TENM2: variants seen among roughly 807,000 people sequenced by gnomAD.
TENM2 encodes the protein teneurin transmembrane protein 2.
TENM2 carries 52 observed loss-of-function variants against 245.2 expected under a neutral mutation model. That is an observed-to-expected ratio of 0.21 (90% CI 0.17 to 0.27). TENM2 has a LOEUF of 0.27. Ranked by LOEUF, TENM2 falls within the 10% of genes least tolerant of loss-of-function variation. The pLI is 1.00. For missense variants in TENM2, 3,046 were observed against 3,666.8 expected, an observed-to-expected ratio of 0.83 and a Z score of 4.37; for synonymous variants, 1,363 against 1,438.9, an observed-to-expected ratio of 0.95 and a Z score of 1.19.
intron 1 of TENM2, among the ~76,000 whole-genome samples, chr5:167,350,678 GAT>G (rs368336473): frequency 0.13 from 4,370 of 33,188 alleles, 125 homozygotes; most frequent in African/African-American, 0.16. Flanking sequence ...TACATATATG[GAT>G]ATATATATAT....
At chr5:167,745,094 A>C (rs888639585) in intron 2 of TENM2, among the ~76,000 whole-genome samples, 2 of 152,210 alleles carry the variant, frequency 1.3e-5, no homozygotes, top group Non-Finnish European at 2.9e-5. Context: ...ACGTCATATG[A>C]ATTCTTCTCA....
At chr5:168,239,752 T>A (rs10079495) in intron 25 of TENM2, among the ~76,000 whole-genome samples, 61,098 of 151,956 alleles carry the variant, frequency 0.4, 12,969 homozygotes, top group East Asian at 0.56. Flanking sequence ...TTACATATTA[T>A]AGTATATTAT....
At chr5:167,028,069 CAA>C in the TENM2 span, among the ~76,000 whole-genome samples, 675 of 92,688 alleles carry the variant, frequency 7.3e-3, 4 homozygotes, top group African/African-American at 0.017. Flanking sequence ...GATTCCATCT[CAA>C]AAAAAAAAAA....
At chr5:167,008,620 G>A in the TENM2 span, among the ~76,000 whole-genome samples, 19 of 152,104 alleles carry the variant, frequency 1.2e-4, no homozygotes, top group Admixed American at 6.5e-5. Context: ...TCATTTGGCC[G>A]TTTTTCTATC....
At chr5:168,178,327 A>G (rs1023176538) in intron 13 of TENM2, among the ~76,000 whole-genome samples, 1 of 152,202 alleles carries the variant, frequency 6.6e-6, no homozygotes, top group Non-Finnish European at 1.5e-5. Context: ...GATGAGGAAC[A>G]GAGCAGGGTA....
chr5:167,242,234 G>C, the TENM2 span, among the ~76,000 whole-genome samples: 1 of 152,000 alleles, frequency 6.6e-6, no homozygotes, highest in African/African-American at 2.4e-5. Context: ...ATTTTTAGTA[G>C]AGATGGGGTT....
At chr5:167,840,876 G>A (rs529457024) in intron 2 of TENM2, among the ~76,000 whole-genome samples, 1 of 152,258 alleles carries the variant, frequency 6.6e-6, no homozygotes, top group Admixed American at 6.5e-5. Flanking sequence ...GAACTGTGCA[G>A]CACTCCCAGC....
At chr5:167,575,587 T>A (rs1350306459) in intron 2 of TENM2, among the ~76,000 whole-genome samples, 1 of 152,104 alleles carries the variant, frequency 6.6e-6, no homozygotes, top group Non-Finnish European at 1.5e-5. Flanking sequence ...TGCTGAGTAG[T>A]GGGGAGTAGA....
At chr5:167,869,127 G>A (rs1317137695) in intron 2 of TENM2, among the ~76,000 whole-genome samples, 2 of 152,198 alleles carry the variant, frequency 1.3e-5, no homozygotes, top group Admixed American at 1.3e-4. Flanking sequence ...TTGGGCTTTG[G>A]AGGAAGATAA....
intron 2 of TENM2, among the ~76,000 whole-genome samples, chr5:167,408,401 A>G: frequency 6.6e-6 from 1 of 152,020 alleles, no homozygotes; most frequent in East Asian, 1.9e-4. Flanking sequence ...GTAGATGACA[A>G]ATTCTTACTC....
rs78936842 is a variant in TENM2, at chr5:168,070,508, G to A, written c.1515+8243G>A. 1.8e-3 allele frequency among the ~76,000 whole-genome samples: 279 copies of A among 151,888 alleles called. 2 individuals are homozygous for A. Among genetic ancestry groups the A allele is most frequent in the African/African-American group, 6.5e-3 (270 of 41,408 alleles). The stretch of plus-strand genomic sequence containing the variant: ...TTAGAAAGTAAACTTTAGGCCAGCT[G>A]TGGTGGCACATGCCTATAATCCTGG... On this transcript the variant is annotated intron_variant, in intron 7 of 28. Transcript: ENST00000518659.
chr5:167,458,408 AC>A (rs1446668658), intron 2 of TENM2, among the ~76,000 whole-genome samples: 1 of 146,616 alleles, frequency 6.8e-6, no homozygotes, highest in Non-Finnish European at 1.5e-5. Context: ...AATCCCTTGA[AC>A]CCGGGAGGCA....
chr5:167,557,596 C>T (rs1443727333), intron 2 of TENM2, among the ~76,000 whole-genome samples: 1 of 152,184 alleles, frequency 6.6e-6, no homozygotes, highest in Non-Finnish European at 1.5e-5. Context: ...CTGAATACTA[C>T]TGAGGTTATA....
intron 3 of TENM2, among the ~76,000 whole-genome samples, chr5:167,929,105 GAAAGAAAGAAAGAAAGAA>G (rs1778059163): frequency 1.0e-5 from 1 of 98,226 alleles, no homozygotes; most frequent in Non-Finnish European, 2.0e-5. Context: ...AAGAAAGAAA[GAAAGAAAGAAAGAAAGAA>G]AGAAAGAAAA....
At chr5:168,254,816 G>A (rs955487820) in intron 27 of TENM2, among the ~76,000 whole-genome samples, 2 of 152,190 alleles carry the variant, frequency 1.3e-5, no homozygotes, top group Non-Finnish European at 2.9e-5. Context: ...GGAGGCTGAG[G>A]CAGGTGGATC....
At chr5:167,516,620 A>G (rs1204239670) in intron 2 of TENM2, among the ~76,000 whole-genome samples, 1 of 152,222 alleles carries the variant, frequency 6.6e-6, no homozygotes. Flanking sequence ...ATTAAATTGC[A>G]TTGAAATGCA....
intron 2 of TENM2, among the ~76,000 whole-genome samples, chr5:167,492,475 A>G (rs755367279): frequency 6.6e-6 from 1 of 152,156 alleles, no homozygotes; most frequent in African/African-American, 2.4e-5. Context: ...GGATGTTAGC[A>G]TTCATTAAAT....
intron 20 of TENM2, 61 bp downstream of exon 22, chr5:168,211,815 C>A: frequency 9.0e-7 from 1 of 1,113,026 alleles, no homozygotes; most frequent in Non-Finnish European, 1.3e-6. Flanking sequence ...CTTGTGTTTG[C>A]TTTTTTTGTT....
chr5:167,807,063 C>T (rs575184669), intron 2 of TENM2, among the ~76,000 whole-genome samples: 1 of 139,448 alleles, frequency 7.2e-6, no homozygotes, highest in East Asian at 2.3e-4. Flanking sequence ...ACTGCATGGT[C>T]CAAAGCCCCC....
Sources: allele counts gnomAD v4.1 joint callset (sites outside exome capture counted in the v4.1 genomes callset), GRCh38; gene constraint gnomAD v4.1.1; transcripts MANE v1.5; gene names NCBI Gene and HGNC (gene_info 2026-07-23, HGNC 2026-07-21).